The following NBAS variants were observed in gnomAD, a reference collection of about 807,000 sequenced individuals.
NBAS encodes the protein NBAS subunit of NRZ tethering complex, also known as NAG/BC035112 fusion.
Under a neutral mutation model 302.5 loss-of-function variants are expected in NBAS, and 219 were observed. The ratio of observed to expected loss-of-function variants is 0.72; its 90% confidence interval spans 0.65 to 0.81. The LOEUF (loss-of-function observed/expected upper bound fraction) is 0.81. Among genes scored for constraint, NBAS ranks in the 30% least tolerant of loss-of-function variants. The probability of loss-of-function intolerance (pLI) is 0.00; values close to 1 mark genes in which losing one functional copy is unlikely to be tolerated. For synonymous variants in NBAS, 1,118 were observed against 1,021.6 expected, an observed-to-expected ratio of 1.09 and a Z score of -1.80; for missense variants, 2,932 against 2,841.6, an observed-to-expected ratio of 1.03 and a Z score of -0.72.
the NBAS span, among the ~76,000 whole-genome samples, chr2:14,984,481 G>A: frequency 1.3e-5 from 2 of 152,186 alleles, no homozygotes; most frequent in Non-Finnish European, 2.9e-5. Flanking sequence ...ATTAAAGGGC[G>A]TGTGTGAGCA....
the NBAS span, among the ~76,000 whole-genome samples, chr2:14,970,472 G>T: frequency 3.9e-5 from 6 of 152,112 alleles, no homozygotes; most frequent in Middle Eastern, 3.2e-3. Context: ...TAACATATTT[G>T]AGGGTAGAAA....
intron 9 of NBAS, among the ~76,000 whole-genome samples, chr2:15,519,819 G>A (rs571478194): frequency 6.6e-6 from 1 of 152,040 alleles, no homozygotes; most frequent in Non-Finnish European, 1.5e-5. Context: ...GAGAACCACT[G>A]CTTTACTTTA....
At chr2:14,937,568 G>A in the NBAS span, among the ~76,000 whole-genome samples, 3 of 152,102 alleles carry the variant, frequency 2.0e-5, no homozygotes, top group Admixed American at 6.5e-5. Flanking sequence ...AATGGGAATC[G>A]CTGGGCTAAA....
intron 42 of NBAS, among the ~76,000 whole-genome samples, chr2:15,282,751 G>A (rs977585522): frequency 1.3e-5 from 2 of 152,176 alleles, no homozygotes; most frequent in African/African-American, 4.8e-5. Context: ...GGGAAAAGAT[G>A]GAAGGTATTA....
At chr2:15,008,566 C>T in the NBAS span, among the ~76,000 whole-genome samples, 1 of 152,212 alleles carries the variant, frequency 6.6e-6, no homozygotes, top group Non-Finnish European at 1.5e-5. Context: ...AATGGTGCCT[C>T]AGAAATCACT....
intron 38 of NBAS, among the ~76,000 whole-genome samples, chr2:15,318,423 A>T (rs1256290020): frequency 6.6e-6 from 1 of 152,218 alleles, no homozygotes; most frequent in African/African-American, 2.4e-5. Context: ...AAATGGGCTA[A>T]ATACCCCAAT....
the NBAS span, among the ~76,000 whole-genome samples, chr2:15,082,869 A>G: frequency 6.6e-6 from 1 of 152,222 alleles, no homozygotes; most frequent in African/African-American, 2.4e-5. Context: ...GAGTCACAAG[A>G]CATGCCCACA....
At chr2:15,331,131 T>G (rs57765201) in intron 35 of NBAS, among the ~76,000 whole-genome samples, 17 of 152,320 alleles carry the variant, frequency 1.1e-4, no homozygotes, top group African/African-American at 4.1e-4. Context: ...TTTGAAGTAT[T>G]TATTATTTAA....
intron 9 of NBAS, among the ~76,000 whole-genome samples, chr2:15,533,176 G>A (rs1170695582): frequency 6.6e-6 from 1 of 152,090 alleles, no homozygotes; most frequent in African/African-American, 2.4e-5. Context: ...TGTTGGGACT[G>A]TAAACTGGCA....
intron 48 of NBAS, among the ~76,000 whole-genome samples, chr2:15,195,090 A>G (rs529476803): frequency 1.3e-5 from 2 of 152,328 alleles, no homozygotes; most frequent in Admixed American, 6.5e-5. Context: ...ATAAACATGT[A>G]TTATTTATAA....
At chr2:15,392,098 T>TAAA (rs1675636755) in intron 28 of NBAS, among the ~76,000 whole-genome samples, 1 of 151,506 alleles carries the variant, frequency 6.6e-6, no homozygotes. Context: ...ACATAAACAA[T>TAAA]AAAAAGTGCC....
the NBAS span, among the ~76,000 whole-genome samples, chr2:15,039,539 C>A: frequency 6.6e-6 from 1 of 152,164 alleles, no homozygotes; most frequent in East Asian, 1.9e-4. Flanking sequence ...AGGGAGTGTG[C>A]ACCACAGCTC....
At chr2:15,479,250 C>A (rs1680321963) in intron 12 of NBAS, among the ~76,000 whole-genome samples, 1 of 152,018 alleles carries the variant, frequency 6.6e-6, no homozygotes, top group South Asian at 2.1e-4. Context: ...ACTTATATAC[C>A]AAGGGGAAGA....
chr2:15,247,671 T>C (rs1402128487), intron 44 of NBAS, among the ~76,000 whole-genome samples: 1 of 151,604 alleles, frequency 6.6e-6, no homozygotes, highest in Non-Finnish European at 1.5e-5. Context: ...CTACTCTCTC[T>C]CTCTCTCTCT....
At chr2:14,886,323 A>G in the NBAS span, among the ~76,000 whole-genome samples, 2 of 152,290 alleles carry the variant, frequency 1.3e-5, no homozygotes, top group East Asian at 1.9e-4. Context: ...GCTGTCCTAC[A>G]TGCTTTTCTT....
chr2:15,277,289 C>T lies in NBAS; in HGVS notation c.5139-188G>A, dbSNP rs60369462. Among the ~76,000 whole-genome samples the T allele has an allele frequency of 0.03, 4,539 of 152,260 alleles. 201 individuals carry two copies. Among genetic ancestry groups the T allele is most frequent in the African/African-American group, 0.1 (4,215 of 41,534 alleles). On this transcript the variant is annotated intron_variant, in intron 42 of 51. Coordinates refer to ENST00000281513, the MANE Select transcript of NBAS (RefSeq NM_015909.4). ...AACAAATGTGTTAGATGCCTACTAA[C>T]ATTTAACTGACTACACACTCGTCAT...
intron 31 of NBAS, among the ~76,000 whole-genome samples, chr2:15,367,412 C>T (rs1477948919): frequency 5.9e-5 from 9 of 152,080 alleles, no homozygotes; most frequent in Non-Finnish European, 1.0e-4. Context: ...ATAATAACAA[C>T]AACTACGATA....
rs1461551091 is a variant in NBAS at position 15,426,612 on chromosome 2, T to G, written c.2423+1099A>C. On this transcript the variant is annotated intron_variant, in intron 22 of 51. Transcript: ENST00000281513. The stretch of plus-strand genomic sequence containing the variant: ...TAATGTCCTAAATTTCTCTTAATTC[T>G]GTTTCTATTTTATACAATGCTATTG... Among the ~76,000 whole-genome samples the G allele has an allele frequency of 3.9e-5, 6 of 152,230 alleles. No homozygotes were observed. The South Asian group carries it at 1.2e-3, about 32-fold the overall frequency.
chr2:14,936,967 T>A, the NBAS span, among the ~76,000 whole-genome samples: 8 of 152,266 alleles, frequency 5.3e-5, no homozygotes, highest in Non-Finnish European at 1.0e-4. Flanking sequence ...TGAGCCTTAA[T>A]ACCATGGGCA....
Sources: gnomAD v4.1 joint callset for allele counts (sites outside exome capture counted in the v4.1 genomes callset) on GRCh38, gnomAD v4.1.1 for gene constraint, MANE v1.5 for transcripts, NCBI Gene and HGNC (gene_info 2026-07-23, HGNC 2026-07-21) for gene names.